CTNNA2: variants seen among roughly 807,000 people sequenced by gnomAD.
CTNNA2 encodes the protein catenin alpha 2.
CTNNA2 carries 42 observed loss-of-function variants against 101.0 expected under a neutral mutation model. The ratio of observed to expected loss-of-function variants is 0.42; its 90% CI spans 0.32 to 0.54. The LOEUF (loss-of-function observed/expected upper bound fraction) is 0.54. CTNNA2 is among the 20% of genes least tolerant of loss of function. CTNNA2 has a pLI of 0.14. For synonymous variants in CTNNA2, 450 were observed against 456.4 expected, an observed-to-expected ratio of 0.99 and a Z score of 0.18; for missense variants, 871 against 1,223.1, an observed-to-expected ratio of 0.71 and a Z score of 4.29.
In CTNNA2 at chr2:79,964,477, A is replaced by G. The variant is rs1370474071; in HGVS notation, c.1056+54680A>G. On this transcript the variant is annotated intron_variant, in intron 7 of 18. Transcript: ENST00000402739. ...TTTTCCCCTTTTAGCAACTCATGAG[A>G]AAAAGAAGTCTTTATGAAATTTTTC... Among the ~76,000 whole-genome samples the G allele has an allele frequency of 3.3e-5, 5 of 152,176 alleles. No individual in the cohort carries two copies. In the East Asian group the frequency reaches 9.7e-4, roughly 29 times the overall value.
chr2:79,484,566 G>C lies in CTNNA2; in HGVS notation c.-134-20488G>C, dbSNP rs574074976. ...CAACATGGTTGGTCTTTCTCTAAGGGTATTAGCTAGAAGTAGGTAACCAGC... is the reference window on the plus strand; with the variant it reads ...CAACATGGTTGGTCTTTCTCTAAGGCTATTAGCTAGAAGTAGGTAACCAGC... On this transcript the variant is annotated intron_variant, in intron 4 of 21. Coordinates refer to the CTNNA2 transcript ENST00000466387. 2.1e-4 allele frequency among the ~76,000 whole-genome samples: 32 copies of C among 152,178 alleles called. 1 individual carries two copies. In the South Asian group the frequency reaches 4.8e-3, roughly 23 times the overall value.
At chr2:80,022,646 A>G (rs1305971094) in intron 7 of CTNNA2, among the ~76,000 whole-genome samples, 2 of 152,104 alleles carry the variant, frequency 1.3e-5, no homozygotes, top group Non-Finnish European at 2.9e-5. Context: ...CGGAAGAGAC[A>G]TGGGGGAAGG....
chr2:79,784,536 G>C (rs147653931), intron 3 of CTNNA2, among the ~76,000 whole-genome samples: 1 of 150,624 alleles, frequency 6.6e-6, no homozygotes, highest in East Asian at 1.9e-4. Context: ...GAAGTTCAAA[G>C]CCAAATTTCT....
intron 7 of CTNNA2, among the ~76,000 whole-genome samples, chr2:79,926,525 C>G (rs2104401293): frequency 6.6e-6 from 1 of 152,042 alleles, no homozygotes; most frequent in East Asian, 1.9e-4. Context: ...TACAGTTTAG[C>G]AGAACGAATG....
At chr2:80,176,990 G>T (rs1269465314) in intron 7 of CTNNA2, among the ~76,000 whole-genome samples, 1 of 152,130 alleles carries the variant, frequency 6.6e-6, no homozygotes. Context: ...ACCATATATT[G>T]GATGCTGATT....
intron 3 of CTNNA2, among the ~76,000 whole-genome samples, chr2:79,851,669 G>T (rs554961280): frequency 6.6e-6 from 1 of 151,202 alleles, no homozygotes; most frequent in East Asian, 2.0e-4. Flanking sequence ...AACTGGTTAA[G>T]AGGATTGGAA....
At chr2:80,447,059 A>G (rs931306262) in intron 9 of CTNNA2, among the ~76,000 whole-genome samples, 1 of 152,170 alleles carries the variant, frequency 6.6e-6, no homozygotes, top group Non-Finnish European at 1.5e-5. Context: ...TCAAAATCAA[A>G]GACATTGCCA....
chr2:80,488,978 G>A (rs966222502), intron 9 of CTNNA2, among the ~76,000 whole-genome samples: 3 of 152,120 alleles, frequency 2.0e-5, no homozygotes, highest in Non-Finnish European at 4.4e-5. Context: ...TTGGATGCAT[G>A]TTTTGGTTTT....
At chr2:80,645,427 T>C (rs1673969406) in intron 18 of CTNNA2, among the ~76,000 whole-genome samples, 1 of 152,084 alleles carries the variant, frequency 6.6e-6, no homozygotes, top group Non-Finnish European at 1.5e-5. Context: ...TTACCAAACT[T>C]GTGTATGACG....
At chr2:80,274,025 C>T (rs548338039) in intron 7 of CTNNA2, among the ~76,000 whole-genome samples, 8 of 152,216 alleles carry the variant, frequency 5.3e-5, no homozygotes, top group South Asian at 4.2e-4. Context: ...AAATATTTGT[C>T]GAATGAATAC....
intron 3 of CTNNA2, among the ~76,000 whole-genome samples, chr2:79,369,190 C>T (rs1034515961): frequency 6.6e-6 from 1 of 152,144 alleles, no homozygotes; most frequent in African/African-American, 2.4e-5. Context: ...ATCCACTCCT[C>T]TAGTCAGTAG....
intron 7 of CTNNA2, among the ~76,000 whole-genome samples, chr2:80,282,312 A>G (rs1674445141): frequency 6.6e-6 from 1 of 151,996 alleles, no homozygotes; most frequent in Non-Finnish European, 1.5e-5. Context: ...TCTTGGGCAA[A>G]TCAGATTTGT....
At chr2:79,899,588 T>G (rs1353097595) in intron 6 of CTNNA2, among the ~76,000 whole-genome samples, 1 of 152,198 alleles carries the variant, frequency 6.6e-6, no homozygotes, top group African/African-American at 2.4e-5. Flanking sequence ...AAAAAACACA[T>G]TAAGTATCTA....
chr2:79,788,766 T>C (rs1488401760), intron 3 of CTNNA2, among the ~76,000 whole-genome samples: 2 of 152,200 alleles, frequency 1.3e-5, no homozygotes, highest in Non-Finnish European at 2.9e-5. Context: ...GTATCAGTGC[T>C]CTTTTGAATA....
chr2:80,142,763 A>G (rs796456462), intron 7 of CTNNA2, among the ~76,000 whole-genome samples: 19 of 152,276 alleles, frequency 1.2e-4, no homozygotes, highest in African/African-American at 4.6e-4. Flanking sequence ...ATTAAGTGGA[A>G]ATGAGAGATG....
chr2:80,138,521 C>T (rs1451438997), intron 7 of CTNNA2, among the ~76,000 whole-genome samples: 1 of 152,032 alleles, frequency 6.6e-6, no homozygotes, highest in African/African-American at 2.4e-5. Flanking sequence ...GTTTTGTACC[C>T]CCTACTCACT....
chr2:80,647,596 C>A lies in CTNNA2; in HGVS notation c.2586C>A (p.Ala862=). The A allele has an allele frequency of 6.2e-7, 1 of 1,611,870 alleles. No homozygotes were observed. The highest frequency in any genetic ancestry group is 1.1e-5 in the South Asian group (1 of 90,820). The change falls in exon 19 of 19, where the codon GCC becomes GCA. Residue 862 remains alanine (A), a synonymous_variant. Transcript: ENST00000402739. ...TTTTCCTACTCTAGCTGGACAGTGCCACATCGCTTATCCAGGCAGCTAAAA... is the reference window on the plus strand; with the variant it reads ...TTTTCCTACTCTAGCTGGACAGTGCAACATCGCTTATCCAGGCAGCTAAAA... ...GSSDSSMLDS[A]TSLIQAAKNL... is the part of the protein sequence containing the mutation.
intron 7 of CTNNA2, among the ~76,000 whole-genome samples, chr2:79,985,356 C>CT (rs1691685282): frequency 1.3e-5 from 2 of 152,192 alleles, no homozygotes; most frequent in Admixed American, 6.5e-5. Context: ...TAGGTGAATT[C>CT]TGTCACAGCC....
chr2:80,466,171 A>C (rs2149479232), intron 9 of CTNNA2, among the ~76,000 whole-genome samples: 1 of 152,280 alleles, frequency 6.6e-6, no homozygotes, highest in Admixed American at 6.5e-5. Context: ...ACTCATCGGC[A>C]TTCTAGCGTA....
Sources: allele counts gnomAD v4.1 joint callset (sites outside exome capture counted in the v4.1 genomes callset), GRCh38; gene constraint gnomAD v4.1.1; transcripts MANE v1.5; gene names NCBI Gene and HGNC (gene_info 2026-07-23, HGNC 2026-07-21).